FAM227A: variants seen among roughly 807,000 people sequenced by gnomAD.
FAM227A encodes the protein family with sequence similarity 227 member A, also known as protein FAM227A.
A neutral mutation model predicts 74.7 loss-of-function variants in FAM227A; 80 were observed. The ratio of observed to expected loss-of-function variants is 1.07; its 90% CI spans 0.89 to 1.29. The LOEUF is 1.29. Among genes scored for constraint, FAM227A ranks in the 50% most tolerant of loss-of-function variants. The pLI is 0.00. For missense variants in FAM227A, 654 were observed against 683.4 expected (o/e 0.96, Z 0.48); for synonymous variants, 237 against 241.8 (o/e 0.98, Z 0.19).
chr22:38,613,146 T>TA (rs1491528157), intron 11 of FAM227A, among the ~76,000 whole-genome samples: 30 of 90,120 alleles, frequency 3.3e-4, no homozygotes, highest in South Asian at 1.1e-3. Flanking sequence ...AATATATATA[T>TA]TATATATTAT....
rs532823889 is a variant in FAM227A, at chr22:38,580,558, T to C, written c.*5567A>G. 3 of 152,348 alleles carry C rather than the reference T, an allele frequency of 2.0e-5. No homozygotes were observed. Among genetic ancestry groups the C allele is most frequent in the South Asian group, 2.1e-4 (1 of 4,832 alleles). The allele number at this position is 152,348 out of a possible 1,614,324, so 9.4% of individuals were successfully genotyped here. A position where few individuals can be genotyped will look rare whatever the true frequency, so the allele number is the denominator to read the frequency against. ...GCCATGGATAATCAACCTAGATCCA[T>C]TAATTCATTAGGGGTTTCAAAATGG... On this transcript the variant is annotated 3_prime_UTR_variant, in exon 17 of 17. Transcript: ENST00000535113.
intron 11 of FAM227A, among the ~76,000 whole-genome samples, chr22:38,612,626 C>T (rs1569205882): frequency 6.6e-6 from 1 of 152,142 alleles, no homozygotes; most frequent in East Asian, 1.9e-4. Flanking sequence ...TTCACCTAGG[C>T]TCTACCTGCA....
intron 2 of FAM227A, among the ~76,000 whole-genome samples, chr22:38,649,169 C>T (rs915928893): frequency 2.0e-5 from 3 of 152,098 alleles, no homozygotes; most frequent in Non-Finnish European, 4.4e-5. Context: ...GAGCTTCTTC[C>T]TTTGGGGCTC....
intron 13 of FAM227A, among the ~76,000 whole-genome samples, chr22:38,604,032 A>C (rs2091231031): frequency 1.3e-5 from 2 of 152,220 alleles, no homozygotes; most frequent in African/African-American, 4.8e-5. Flanking sequence ...CCACGATTAA[A>C]GTCAAAAGAT....
intron 12 of FAM227A, among the ~76,000 whole-genome samples, chr22:38,605,708 A>C (rs925124252): frequency 6.6e-6 from 1 of 152,288 alleles, no homozygotes; most frequent in Admixed American, 6.5e-5. Context: ...TCTTTGATAC[A>C]TGGGTCTTTG....
At chr22:38,613,129 TA>T (rs2091463773) in intron 11 of FAM227A, among the ~76,000 whole-genome samples, 2 of 92,050 alleles carry the variant, frequency 2.2e-5, no homozygotes, top group Non-Finnish European at 3.8e-5. Context: ...TATATAATTA[TA>T]TATATAATAT....
intron 3 of FAM227A, among the ~76,000 whole-genome samples, chr22:38,641,282 C>A (rs187012675): frequency 6.6e-6 from 1 of 152,284 alleles, no homozygotes; most frequent in East Asian, 1.9e-4. Context: ...CAATGACCGG[C>A]ATTTTGGGGA....
At chr22:38,627,136 T>C (rs1335559775) in intron 8 of FAM227A, among the ~76,000 whole-genome samples, 1 of 151,294 alleles carries the variant, frequency 6.6e-6, no homozygotes, top group East Asian at 1.9e-4. Context: ...ATCATGTAAG[T>C]ATTCACTTAT....
chr22:38,634,221 CAAAAAAAAA>C (rs34039010), intron 6 of FAM227A, among the ~76,000 whole-genome samples: 11 of 62,156 alleles, frequency 1.8e-4, no homozygotes, highest in Admixed American at 5.7e-4. Flanking sequence ...GACTCTGTCT[CAAAAAAAAA>C]AAAAAAAAAA....
At chr22:38,591,375 A>G (rs1327407582) in intron 16 of FAM227A, 60 bp downstream of exon 16, 23 of 1,532,122 alleles carry the variant, frequency 1.5e-5, no homozygotes, top group Non-Finnish European at 1.9e-5. Context: ...TCACACTTCT[A>G]CCTTTCCCAT....
At chr22:38,642,367 C>T (rs1420088149) in intron 3 of FAM227A, among the ~76,000 whole-genome samples, 1 of 152,034 alleles carries the variant, frequency 6.6e-6, no homozygotes, top group Admixed American at 6.6e-5. Flanking sequence ...CCAGCCATCA[C>T]AAAAATGAAC....
At chr22:38,636,804 T>G (rs1430568662) in intron 5 of FAM227A, among the ~76,000 whole-genome samples, 3 of 146,246 alleles carry the variant, frequency 2.1e-5, no homozygotes, top group Non-Finnish European at 3.0e-5. Context: ...GAAATTTCAC[T>G]CTTGTTGTCC....
Position 38,599,740 on chromosome 22 carries a change from C to G in FAM227A, c.1379+24G>C, listed in dbSNP as rs775403177. ...ACGCGGGGGCCTGGAGCAGTGCGCA[C>G]CCTGCCCACAGTGACAAGGATATGG... On this transcript the variant is annotated intron_variant, in intron 14 of 16. Coordinates refer to ENST00000535113, the MANE Select transcript of FAM227A (RefSeq NM_001013647.2). The G allele has an allele frequency of 1.9e-6, 3 of 1,545,560 alleles. No homozygotes were observed. In the Admixed American group the frequency reaches 6.0e-5, roughly 31 times the overall value.
At chr22:38,601,985 T>C (rs2091188969) in intron 13 of FAM227A, among the ~76,000 whole-genome samples, 1 of 152,176 alleles carries the variant, frequency 6.6e-6, no homozygotes, top group South Asian at 2.1e-4. Flanking sequence ...TCTGCCTTTT[T>C]CCAAAAATGA....
chr22:38,645,714 G>A (rs1485584109), intron 2 of FAM227A, 69 bp from the exon 3 acceptor site: 3 of 956,224 alleles, frequency 3.1e-6, no homozygotes, highest in Non-Finnish European at 4.8e-6. Context: ...GGCTTGTCTG[G>A]TGAGAAGGGC....
Position 38,586,153 on chromosome 22 carries a change from T to C in FAM227A, c.1685A>G (p.His562Arg), listed in dbSNP as rs2090802363. The C allele has an allele frequency of 2.6e-6, 4 of 1,551,674 alleles. No homozygotes were observed. The highest frequency in any genetic ancestry group is 2.4e-5 in the East Asian group (1 of 40,936). Residue 562 changes from histidine (H) to arginine (R), a missense_variant, in exon 17 of 17, where the codon CAT becomes CGT. By Grantham distance (29) the His-to-Arg change is conservative. Transcript: ENST00000535113. ...EGKRRETEVE[H>R]FFPLTSKP ...GGGCTTGGAAGTGAGTGGAAAGAAA[T>C]GTTCAACTTCTGTTTCTCTTCTCTT...
chr22:38,628,849 A>T lies in FAM227A; in HGVS notation c.606T>A (p.Phe202Leu), dbSNP rs2091860771. ...AIWLDSFWWI[F>L]HERYQPNKEL... Reference sequence around the variant, plus strand: ...TTGTATTTACCTGGTACCTCTCATGAAATATCCACCAAAAGCTATCCAGCC... The same window carrying T: ...TTGTATTTACCTGGTACCTCTCATGTAATATCCACCAAAAGCTATCCAGCC... The change falls in exon 7 of 17, where the codon TTT (phenylalanine) becomes TTA (leucine). Residue 202 changes from phenylalanine to leucine, a missense_variant. Physicochemically the swap from Phe to Leu is conservative, Grantham distance 22. Coordinates refer to ENST00000535113, the MANE Select transcript of FAM227A (RefSeq NM_001013647.2). 6.5e-7 allele frequency: 1 copy of T among 1,535,326 alleles called. No individual in the cohort carries two copies. The highest frequency in any genetic ancestry group is 8.8e-7 in the Non-Finnish European group (1 of 1,134,534).
chr22:38,623,336 TC>T, intron 9 of FAM227A, 57 bp from the exon 10 acceptor site: 1 of 1,238,386 alleles, frequency 8.1e-7, no homozygotes, highest in Non-Finnish European at 1.2e-6. Flanking sequence ...ACGCCTGTAA[TC>T]CCAGAACTTT....
rs183126562 is a variant in FAM227A, at chr22:38,608,853, T to C, written c.1039-1377A>G. Among the ~76,000 whole-genome samples, 3 of 142,856 alleles carry C rather than the reference T, an allele frequency of 2.1e-5. No homozygotes were observed. In the East Asian group the frequency reaches 6.3e-4, roughly 30 times the overall value. 93.7% of individuals were successfully genotyped at this position (142,856 alleles called of 152,430 possible). On this transcript the variant is annotated intron_variant, in intron 11 of 16. Coordinates refer to ENST00000535113, the MANE Select transcript of FAM227A (RefSeq NM_001013647.2). The stretch of plus-strand genomic sequence containing the variant: ...GCTCGTTACTCAGGGTGGAGTACAA[T>C]GGCGTGATCTTGGCTCACTGCAACC...
Sources: gnomAD v4.1 joint callset for allele counts (sites outside exome capture counted in the v4.1 genomes callset) on GRCh38, gnomAD v4.1.1 for gene constraint, MANE v1.5 for transcripts, NCBI Gene and HGNC (gene_info 2026-07-23, HGNC 2026-07-21) for gene names.